SLX4IP: variants seen among roughly 807,000 people sequenced by gnomAD.
SLX4IP encodes SLX4 interacting protein, also known as protein SLX4IP.
A neutral mutation model predicts 32.9 loss-of-function variants in SLX4IP; 34 were observed. That is an observed-to-expected ratio of 1.03 (90% CI 0.79 to 1.38). The LOEUF (loss-of-function observed/expected upper bound fraction) is 1.38, where lower values mean the gene tolerates loss of function less well. Ranked by LOEUF, SLX4IP falls within the 40% of genes most tolerant of loss-of-function variation. SLX4IP has a pLI of 0.00. For synonymous variants in SLX4IP, 172 were observed against 171.7 expected (o/e 1.00, Z -0.01); for missense variants, 444 against 479.0 (o/e 0.93, Z 0.68).
At chr20:10,505,350 G>A (rs2065750378) in intron 2 of SLX4IP, among the ~76,000 whole-genome samples, 1 of 152,182 alleles carries the variant, frequency 6.6e-6, no homozygotes, top group East Asian at 1.9e-4. Flanking sequence ...TCTGGACAGG[G>A]TGGAGCCCCT....
rs917486287 is a variant in SLX4IP at position 10,619,857 on chromosome 20, C to CA, written c.406-1448dup. 3.8e-4 allele frequency among the ~76,000 whole-genome samples: 57 copies of CA among 149,238 alleles called. 1 individual carries two copies. Among genetic ancestry groups the CA allele is most frequent in the Middle Eastern group, 3.4e-3 (1 of 294 alleles). ...TGGCCAACTAGTAAGTCTTAGAAAA[C>CA]AAAAAAAAAGGGAGTATAATCCAAT... is the stretch of plus-strand genomic sequence containing the variant. On this transcript the variant is annotated intron_variant, in intron 6 of 7. Transcript: ENST00000334534.
intron 2 of SLX4IP, among the ~76,000 whole-genome samples, chr20:10,522,213 T>C (rs961612770): frequency 6.6e-6 from 1 of 152,230 alleles, no homozygotes; most frequent in African/African-American, 2.4e-5. Flanking sequence ...ATGCACGTTG[T>C]GTTGCAGTTA....
chr20:10,593,628 C>G (rs1356554549), intron 4 of SLX4IP, among the ~76,000 whole-genome samples: 1 of 152,000 alleles, frequency 6.6e-6, no homozygotes, highest in African/African-American at 2.4e-5. Context: ...CCCAGCTACT[C>G]AGGAGGTTGA....
At chr20:10,592,092 A>G (rs1734948161) in intron 4 of SLX4IP, among the ~76,000 whole-genome samples, 1 of 152,242 alleles carries the variant, frequency 6.6e-6, no homozygotes, top group Non-Finnish European at 1.5e-5. Context: ...CATCAAATAG[A>G]CATAGCTTTA....
At chr20:10,589,925 T>C (rs1430808211) in intron 4 of SLX4IP, among the ~76,000 whole-genome samples, 2 of 152,178 alleles carry the variant, frequency 1.3e-5, no homozygotes, top group East Asian at 3.8e-4. Flanking sequence ...ATGTTACTTT[T>C]AATTAGGAAA....
chr20:10,505,215 C>G (rs1396311314), intron 2 of SLX4IP, among the ~76,000 whole-genome samples: 3 of 152,202 alleles, frequency 2.0e-5, no homozygotes, highest in African/African-American at 7.2e-5. Context: ...TAAATGCAAA[C>G]AGCCCAGAAT....
chr20:10,472,233 A>C (rs910893480), intron 2 of SLX4IP, among the ~76,000 whole-genome samples: 1 of 116,532 alleles, frequency 8.6e-6, no homozygotes, highest in African/African-American at 3.8e-5. Context: ...GTAATACTAT[A>C]CTTTTTTTTT....
At chr20:10,515,895 G>GGTT (rs1388779837) in intron 2 of SLX4IP, among the ~76,000 whole-genome samples, 1 of 152,034 alleles carries the variant, frequency 6.6e-6, no homozygotes. Context: ...TTGTTGTTGT[G>GGTT]GTTGTTGTTT....
intron 2 of SLX4IP, among the ~76,000 whole-genome samples, chr20:10,530,283 C>T (rs527501280): frequency 3.3e-5 from 5 of 152,228 alleles, no homozygotes; most frequent in South Asian, 2.1e-4. Context: ...TGAGTTTGTA[C>T]GTTTAGATAA....
intron 2 of SLX4IP, among the ~76,000 whole-genome samples, chr20:10,553,193 T>G (rs897816880): frequency 6.6e-6 from 1 of 152,208 alleles, no homozygotes; most frequent in South Asian, 2.1e-4. Context: ...TTGTCACCAT[T>G]AGAAATTATA....
rs137876994 is a variant in SLX4IP, at chr20:10,545,158, G to C, written c.28-11073G>C. Reference sequence around the variant, plus strand: ...CCGGTAGTCTAGGCTTGAGGCTCTAGTGGGTAAATATCCCTAAGGTCGTAC... The same window carrying C: ...CCGGTAGTCTAGGCTTGAGGCTCTACTGGGTAAATATCCCTAAGGTCGTAC... On this transcript the variant is annotated intron_variant, in intron 2 of 7. Coordinates refer to ENST00000334534, the MANE Select transcript of SLX4IP (RefSeq NM_001009608.3). 5.8e-4 allele frequency among the ~76,000 whole-genome samples: 89 copies of C among 152,268 alleles called. 1 individual carries two copies. The East Asian group carries it at 0.015, about 26-fold the overall frequency.
At chr20:10,614,023 A>T (rs1245570237) in intron 6 of SLX4IP, 2 of 1,380,566 alleles carry the variant, frequency 1.4e-6, no homozygotes, top group African/African-American at 2.8e-5. Flanking sequence ...AGAATGGAAT[A>T]GACTTTTTCC....
At position 10,462,978 on chromosome 20, in the gene SLX4IP, G is replaced by T. The variant is rs138269530; in HGVS notation, c.27+4747G>T. Among the ~76,000 whole-genome samples the T allele has an allele frequency of 4.9e-4, 75 of 152,308 alleles. 2 individuals carry two copies. In the East Asian group the frequency reaches 0.014, roughly 28 times the overall value. The stretch of plus-strand genomic sequence containing the variant: ...ATATGCCTGTAGTCCCAGCCATTTG[G>T]GGAGGCTGAGGCAGAAGATTTGCTT... On this transcript the variant is annotated intron_variant, in intron 2 of 7. Coordinates refer to ENST00000334534, the MANE Select transcript of SLX4IP (RefSeq NM_001009608.3).
chr20:10,451,519 A>T (rs898417125), intron 1 of SLX4IP, among the ~76,000 whole-genome samples: 5 of 152,186 alleles, frequency 3.3e-5, no homozygotes, highest in Non-Finnish European at 5.9e-5. Flanking sequence ...GTGGCTACCT[A>T]CAAGTGTCTA....
intron 2 of SLX4IP, among the ~76,000 whole-genome samples, chr20:10,507,882 G>T (rs912056871): frequency 6.7e-6 from 1 of 149,656 alleles, no homozygotes; most frequent in African/African-American, 2.5e-5. Flanking sequence ...GGCATACAAG[G>T]AGCAGAGGGA....
chr20:10,459,790 G>A (rs563632091), intron 2 of SLX4IP, among the ~76,000 whole-genome samples: 6 of 152,172 alleles, frequency 3.9e-5, no homozygotes, highest in African/African-American at 1.4e-4. Context: ...GGAGGCTCCT[G>A]TGTGAGGGAT....
chr20:10,586,404 A>T (rs1220392151), intron 4 of SLX4IP, among the ~76,000 whole-genome samples: 3 of 152,222 alleles, frequency 2.0e-5, no homozygotes, highest in Non-Finnish European at 4.4e-5. Flanking sequence ...GATATGGTTC[A>T]ATAGAAAGTC....
chr20:10,550,652 G>T (rs2122490384), intron 2 of SLX4IP, among the ~76,000 whole-genome samples: 1 of 152,242 alleles, frequency 6.6e-6, no homozygotes, highest in Non-Finnish European at 1.5e-5. Flanking sequence ...GCCTGTCCAG[G>T]GCCCCTCTGT....
chr20:10,601,084 A>G (rs1239992452), intron 5 of SLX4IP, among the ~76,000 whole-genome samples: 2 of 152,204 alleles, frequency 1.3e-5, no homozygotes, highest in Non-Finnish European at 2.9e-5. Context: ...GTCTTTCCCA[A>G]TGAGAAGTCA....
Sources: gnomAD v4.1 joint callset for allele counts (sites outside exome capture counted in the v4.1 genomes callset) on GRCh38, gnomAD v4.1.1 for gene constraint, MANE v1.5 for transcripts, NCBI Gene and HGNC (gene_info 2026-07-23, HGNC 2026-07-21) for gene names.